The following ADAMTS6 variants were observed in gnomAD, a reference collection of about 807,000 sequenced individuals.
The protein encoded by ADAMTS6 is ADAM metallopeptidase with thrombospondin type 1 motif 6.
In ADAMTS6, 23 loss-of-function variants were observed where a neutral mutation model predicts 144.3. That is an observed-to-expected ratio of 0.16 (90% CI 0.11 to 0.23). The LOEUF is 0.23. Among genes scored for constraint, ADAMTS6 ranks in the 10% least tolerant of loss-of-function variants. ADAMTS6 has a pLI of 1.00. For synonymous variants in ADAMTS6, 444 were observed against 457.5 expected, an observed-to-expected ratio of 0.97 and a Z score of 0.38; for missense variants, 999 against 1,379.6, an observed-to-expected ratio of 0.72 and a Z score of 4.37.
At chr5:65,153,066 C>T (rs952952511) in intron 24 of ADAMTS6, among the ~76,000 whole-genome samples, 1 of 152,072 alleles carries the variant, frequency 6.6e-6, no homozygotes, top group Non-Finnish European at 1.5e-5. Context: ...TCTAAGAGAT[C>T]AGATACATTG....
At position 65,169,263 on chromosome 5, in the gene ADAMTS6, C is replaced by G. The variant is rs1328110950; in HGVS notation, c.3244+1354G>C. Among the ~76,000 whole-genome samples the G allele has an allele frequency of 4.7e-5, 3 of 63,406 alleles. 1 individual carries two copies. Among genetic ancestry groups the G allele is most frequent in the Non-Finnish European group, 3.2e-5 (1 of 31,254 alleles). 41.6% of individuals were successfully genotyped at this position (63,406 alleles called of 152,430 possible). ...CACTTCTCAAAAGAAGACATTTATG[C>G]AGCCACAAAACACATGAAAAAATGC... On this transcript the variant is annotated intron_variant, in intron 24 of 24. Transcript: ENST00000381055.
At chr5:65,330,922 G>A (rs1746659046) in intron 8 of ADAMTS6, among the ~76,000 whole-genome samples, 1 of 151,762 alleles carries the variant, frequency 6.6e-6, no homozygotes. Flanking sequence ...TTAATTTTTG[G>A]TTAATATTTA....
chr5:65,429,883 T>C (rs1206822279), intron 7 of ADAMTS6, among the ~76,000 whole-genome samples: 1 of 152,158 alleles, frequency 6.6e-6, no homozygotes, highest in African/African-American at 2.4e-5. Context: ...CTATCTTTTC[T>C]GTTTTATAGG....
At chr5:65,217,035 A>G (rs1364707609) in intron 18 of ADAMTS6, among the ~76,000 whole-genome samples, 1 of 152,162 alleles carries the variant, frequency 6.6e-6, no homozygotes, top group Non-Finnish European at 1.5e-5. Context: ...CTTGTCCTTC[A>G]TACTACAGAC....
At chr5:65,185,512 C>T (rs1425655958) in intron 22 of ADAMTS6, among the ~76,000 whole-genome samples, 5 of 152,196 alleles carry the variant, frequency 3.3e-5, no homozygotes, top group African/African-American at 1.2e-4. Context: ...TTGGACAATG[C>T]TTTATCTGAG....
chr5:65,323,705 G>A (rs1221040185), intron 9 of ADAMTS6, among the ~76,000 whole-genome samples: 2 of 152,230 alleles, frequency 1.3e-5, no homozygotes, highest in South Asian at 2.1e-4. Context: ...CAACTTCCAC[G>A]ATGGTTGAAC....
chr5:65,252,887 TC>T (rs1760302435), intron 14 of ADAMTS6, among the ~76,000 whole-genome samples: 2 of 152,118 alleles, frequency 1.3e-5, no homozygotes, highest in Non-Finnish European at 2.9e-5. Context: ...CTTTTCTGTT[TC>T]TTTTTTTCTA....
chr5:65,195,720 T>C (rs1471330518), intron 21 of ADAMTS6, among the ~76,000 whole-genome samples: 1 of 152,238 alleles, frequency 6.6e-6, no homozygotes, highest in African/African-American at 2.4e-5. Context: ...AAAGTTTTTC[T>C]CTCCAGTTGT....
intron 9 of ADAMTS6, among the ~76,000 whole-genome samples, chr5:65,313,019 C>T (rs1212115483): frequency 6.6e-6 from 1 of 151,884 alleles, no homozygotes; most frequent in Non-Finnish European, 1.5e-5. Context: ...ATGGTGTCTG[C>T]CTACAAATTA....
intron 14 of ADAMTS6, among the ~76,000 whole-genome samples, chr5:65,244,728 G>T (rs959426908): frequency 2.0e-4 from 30 of 152,134 alleles, no homozygotes; most frequent in African/African-American, 7.2e-4. Flanking sequence ...CAGAAAGGTT[G>T]CTTAGTAATA....
At chr5:65,294,894 C>A in intron 10 of ADAMTS6, among the ~76,000 whole-genome samples, 1 of 150,792 alleles carries the variant, frequency 6.6e-6, no homozygotes, top group African/African-American at 2.4e-5. Context: ...CCTTGTTTTG[C>A]TTAATAATTT....
chr5:65,301,153 T>G (rs894380784), intron 9 of ADAMTS6, among the ~76,000 whole-genome samples: 2 of 152,200 alleles, frequency 1.3e-5, no homozygotes, highest in African/African-American at 4.8e-5. Context: ...TAAAAAAACA[T>G]TTTAACAATA....
At chr5:65,345,569 A>G (rs1748239751) in intron 7 of ADAMTS6, among the ~76,000 whole-genome samples, 2 of 151,912 alleles carry the variant, frequency 1.3e-5, no homozygotes, top group South Asian at 2.1e-4. Context: ...AAAAGCACAT[A>G]AGACTGACAT....
intron 15 of ADAMTS6, among the ~76,000 whole-genome samples, chr5:65,237,310 C>T (rs1206582977): frequency 1.3e-5 from 2 of 149,810 alleles, no homozygotes; most frequent in African/African-American, 2.5e-5. Flanking sequence ...ATCTCTTGAG[C>T]TCAGGAGATT....
intron 7 of ADAMTS6, among the ~76,000 whole-genome samples, chr5:65,398,550 C>A (rs1753547689): frequency 6.6e-6 from 1 of 151,922 alleles, no homozygotes; most frequent in Non-Finnish European, 1.5e-5. Flanking sequence ...CATGGCAAAA[C>A]CTTATCTCTA....
chr5:65,226,061 C>G (rs1022772142), intron 16 of ADAMTS6, 25 bp downstream of exon 16: 21 of 1,581,440 alleles, frequency 1.3e-5, no homozygotes, highest in East Asian at 2.3e-5. Context: ...AAAACCCCAA[C>G]AGAAAGGAGT....
chr5:65,404,371 C>A (rs1430505812), intron 7 of ADAMTS6, among the ~76,000 whole-genome samples: 2 of 152,030 alleles, frequency 1.3e-5, no homozygotes, highest in African/African-American at 4.8e-5. Context: ...GTTCAATTGC[C>A]ACCTATGAGT....
At chr5:65,284,243 C>A (rs1763197790) in intron 11 of ADAMTS6, among the ~76,000 whole-genome samples, 1 of 151,976 alleles carries the variant, frequency 6.6e-6, no homozygotes. Context: ...TAAATACTCT[C>A]CAGGGAAAGG....
At chr5:65,173,120 C>G (rs1018992360) in intron 22 of ADAMTS6, 112 bp from the exon 23 acceptor site, 1 of 1,074,374 alleles carries the variant, frequency 9.3e-7, no homozygotes, top group East Asian at 2.5e-5. Flanking sequence ...TACACATATA[C>G]TAAGTTCTAG....
Sources: allele counts gnomAD v4.1 joint callset (sites outside exome capture counted in the v4.1 genomes callset), GRCh38; gene constraint gnomAD v4.1.1; transcripts MANE v1.5; gene names NCBI Gene and HGNC (gene_info 2026-07-23, HGNC 2026-07-21).